The following TAF3 variants were observed in gnomAD, a reference collection of about 807,000 sequenced individuals.
TAF3 encodes transcription initiation factor TFIID subunit 3.
TAF3 carries 7 observed loss-of-function variants against 80.6 expected under a neutral mutation model. The ratio of observed to expected loss-of-function variants is 0.09; its 90% CI spans 0.05 to 0.16. TAF3 has a LOEUF of 0.16. Among genes scored for constraint, TAF3 ranks in the 10% least tolerant of loss-of-function variants. The probability of loss-of-function intolerance (pLI) is 1.00; values close to 1 mark genes in which losing one functional copy is unlikely to be tolerated. For synonymous variants in TAF3, 444 were observed against 446.1 expected (o/e 1.00, Z 0.06); for missense variants, 921 against 1,140.2 (o/e 0.81, Z 2.77).
At chr10:7,828,894 T>TCTG (rs1235409819) in intron 2 of TAF3, among the ~76,000 whole-genome samples, 5 of 82,278 alleles carry the variant, frequency 6.1e-5, no homozygotes, top group Non-Finnish European at 1.2e-4. Flanking sequence ...ATTAGCTGGG[T>TCTG]GTGGTGGTGC....
intron 4 of TAF3, among the ~76,000 whole-genome samples, chr10:7,996,228 G>A (rs1268211201): frequency 1.3e-5 from 2 of 152,168 alleles, no homozygotes; most frequent in Non-Finnish European, 2.9e-5. Flanking sequence ...GCATCCAGAG[G>A]CTTCTGTGAG....
At chr10:7,833,337 C>T (rs930158418) in intron 2 of TAF3, among the ~76,000 whole-genome samples, 1 of 152,188 alleles carries the variant, frequency 6.6e-6, no homozygotes, top group Non-Finnish European at 1.5e-5. Context: ...AAGGATTCCC[C>T]CTTTTCTCCA....
intron 2 of TAF3, among the ~76,000 whole-genome samples, chr10:7,871,074 T>G (rs1461501592): frequency 6.6e-6 from 1 of 152,168 alleles, no homozygotes; most frequent in African/African-American, 2.4e-5. Context: ...AAATTAAAAA[T>G]AGTAATACAC....
intron 3 of TAF3, among the ~76,000 whole-genome samples, chr10:7,971,260 T>G (rs1363665840): frequency 2.0e-5 from 3 of 152,196 alleles, no homozygotes; most frequent in South Asian, 4.1e-4. Flanking sequence ...TAAATGGAAA[T>G]AATGTAAAGA....
rs569442352 is a variant in TAF3, at chr10:7,866,694, T to C, written c.409+42134T>C. ...AAACCATTGAAGAGTTTTAAGTTAT[T>C]AGAAAGGAGAGCTATAGAAAAAGCC... is the stretch of plus-strand genomic sequence containing the variant. On this transcript the variant is annotated intron_variant, in intron 2 of 6. Transcript: ENST00000344293. Among the ~76,000 whole-genome samples, 6 of 152,106 alleles carry C rather than the reference T, an allele frequency of 3.9e-5. No homozygotes were observed. The East Asian group carries it at 1.2e-3, about 29-fold the overall frequency.
At chr10:7,861,299 G>A (rs1486195291) in intron 2 of TAF3, among the ~76,000 whole-genome samples, 1 of 152,028 alleles carries the variant, frequency 6.6e-6, no homozygotes, top group Admixed American at 6.6e-5. Flanking sequence ...GTAGAGATGG[G>A]GTTTCACTAT....
intron 2 of TAF3, among the ~76,000 whole-genome samples, chr10:7,929,163 G>T (rs1837843578): frequency 6.6e-6 from 1 of 151,734 alleles, no homozygotes; most frequent in Non-Finnish European, 1.5e-5. Context: ...ACAAAGACAG[G>T]TCTTCAACTA....
At chr10:7,832,982 G>GGGCAGGAGGATGATTTGAT (rs563239377) in intron 2 of TAF3, among the ~76,000 whole-genome samples, 70 of 152,312 alleles carry the variant, frequency 4.6e-4, no homozygotes, top group African/African-American at 1.7e-3. Flanking sequence ...GATGATTTGA[G>GGGCAGGAGGATGATTTGAT]GCCAGGAGTT....
intron 3 of TAF3, among the ~76,000 whole-genome samples, chr10:7,969,472 G>T (rs547763524): frequency 3.3e-5 from 5 of 152,154 alleles, no homozygotes; most frequent in Non-Finnish European, 5.9e-5. Context: ...TTTGGTTTCT[G>T]TGTGGGTTGG....
At chr10:7,867,369 A>G (rs1837224352) in intron 2 of TAF3, among the ~76,000 whole-genome samples, 1 of 152,198 alleles carries the variant, frequency 6.6e-6, no homozygotes, top group African/African-American at 2.4e-5. Flanking sequence ...GTATTTAGTC[A>G]TTTGTTTCTT....
At chr10:7,899,767 G>A (rs969526299) in intron 2 of TAF3, among the ~76,000 whole-genome samples, 1 of 152,198 alleles carries the variant, frequency 6.6e-6, no homozygotes, top group Non-Finnish European at 1.5e-5. Context: ...TGAAGATCAC[G>A]TTAGGGATGT....
chr10:7,949,168 C>T (rs1838057817), intron 2 of TAF3, among the ~76,000 whole-genome samples: 1 of 152,224 alleles, frequency 6.6e-6, no homozygotes, highest in Admixed American at 6.5e-5. Context: ...AGATGAAGAA[C>T]CTTGTGCTCA....
intron 2 of TAF3, among the ~76,000 whole-genome samples, chr10:7,894,190 A>T (rs1203526471): frequency 6.6e-6 from 1 of 152,162 alleles, no homozygotes; most frequent in East Asian, 1.9e-4. Context: ...TCTGTATTTG[A>T]CTTAGGAATG....
At chr10:7,974,508 G>C (rs752796759) in intron 3 of TAF3, among the ~76,000 whole-genome samples, 1 of 152,140 alleles carries the variant, frequency 6.6e-6, no homozygotes, top group African/African-American at 2.4e-5. Context: ...GAAACTGTGG[G>C]CAGGGATGAG....
chr10:7,970,141 T>A (rs962479936), intron 3 of TAF3, among the ~76,000 whole-genome samples: 1 of 152,262 alleles, frequency 6.6e-6, no homozygotes, highest in African/African-American at 2.4e-5. Flanking sequence ...ATAGTGTTGA[T>A]GATCAACCCC....
At position 7,818,841 on chromosome 10, in the gene TAF3, G is replaced by T. The variant is rs1403137876; in HGVS notation, c.132G>T (p.Gln44His). ...ACGTGCTGCAGCGCTATCTGCAGCA[G>T]CTGGGCCGGGGCTGCCATCGGTACT... ...LTDVLQRYLQ[Q>H]LGRGCHRYSE... Residue 44 changes from glutamine (Q) to histidine (H), a missense_variant, in exon 1 of 7, where the codon CAG becomes CAT. By Grantham distance (24) the Gln-to-His change is conservative. Around this residue, in one of 6 missense-constraint regions of TAF3, gnomAD observed 106 missense variants for 191.8 expected, o/e 0.55. Transcript: ENST00000344293. 5 of 1,540,762 alleles carry T rather than the reference G, an allele frequency of 3.2e-6. No individual in the cohort carries two copies. The highest frequency in any genetic ancestry group is 1.7e-4 in the Middle Eastern group (1 of 5,734).
At chr10:7,970,699 T>C (rs1402721519) in intron 3 of TAF3, among the ~76,000 whole-genome samples, 1 of 152,248 alleles carries the variant, frequency 6.6e-6, no homozygotes, top group Non-Finnish European at 1.5e-5. Context: ...CTTTACACTT[T>C]GATGACTTTA....
intron 2 of TAF3, among the ~76,000 whole-genome samples, chr10:7,862,562 AT>A (rs1358168374): frequency 6.6e-6 from 1 of 152,196 alleles, no homozygotes; most frequent in Non-Finnish European, 1.5e-5. Flanking sequence ...TGTTTATAAC[AT>A]TTTTAAGTTT....
intron 2 of TAF3, among the ~76,000 whole-genome samples, chr10:7,876,525 G>A (rs910148923): frequency 2.6e-5 from 4 of 152,196 alleles, no homozygotes; most frequent in African/African-American, 9.6e-5. Flanking sequence ...TTCCTGTAAT[G>A]CTGTTTTTGG....
Sources: allele counts gnomAD v4.1 joint callset (sites outside exome capture counted in the v4.1 genomes callset), GRCh38; gene constraint gnomAD v4.1.1; regional missense constraint gnomAD v4.1.1; transcripts MANE v1.5; gene names NCBI Gene and HGNC (gene_info 2026-07-23, HGNC 2026-07-21).